CHD2: variants seen among roughly 807,000 people sequenced by gnomAD.
The protein encoded by CHD2 is ATP-dependent chromatin remodeler CHD2.
A neutral mutation model predicts 243.9 loss-of-function variants in CHD2; 28 were observed. That is an observed-to-expected ratio of 0.11 (90% CI 0.09 to 0.16). The LOEUF (loss-of-function observed/expected upper bound fraction) is 0.16. Among genes scored for constraint, CHD2 ranks in the 10% least tolerant of loss-of-function variants. The probability of loss-of-function intolerance (pLI) is 1.00; values close to 1 mark genes in which losing one functional copy is unlikely to be tolerated. For missense variants in CHD2, 1,386 were observed against 2,209.8 expected, an observed-to-expected ratio of 0.63 and a Z score of 7.47; for synonymous variants, 775 against 779.0, an observed-to-expected ratio of 0.99 and a Z score of 0.09.
intron 24 of CHD2, among the ~76,000 whole-genome samples, chr15:92,983,569 G>A (rs1013523636): frequency 6.6e-6 from 1 of 152,158 alleles, no homozygotes; most frequent in Admixed American, 6.5e-5. Flanking sequence ...CAGGCTGGGG[G>A]CTGCCTGCCA....
intron 16 of CHD2, among the ~76,000 whole-genome samples, chr15:92,959,458 C>G (rs994957463): frequency 1.3e-5 from 2 of 152,180 alleles, no homozygotes; most frequent in South Asian, 2.1e-4. Context: ...CAATGTCACA[C>G]TGTCTTGATT....
At chr15:92,948,201 G>T (rs551432323) in intron 12 of CHD2, among the ~76,000 whole-genome samples, 2 of 152,040 alleles carry the variant, frequency 1.3e-5, no homozygotes, top group African/African-American at 4.8e-5. Context: ...CCAAATTCAC[G>T]CAATTAAAGG....
chr15:93,021,511 T>C (rs543246425), intron 38 of CHD2: 1 of 152,216 alleles, frequency 6.6e-6, no homozygotes, highest in Admixed American at 6.5e-5. Flanking sequence ...TTAGCTTGCT[T>C]GAAGTTGTCT....
intron 20 of CHD2, 21 bp from the exon 21 acceptor site, chr15:92,978,213 A>G: frequency 6.2e-7 from 1 of 1,613,848 alleles, no homozygotes; most frequent in Non-Finnish European, 8.5e-7. Context: ...TGCATAAAGT[A>G]GTATATTGCA....
At chr15:92,901,026 G>A in intron 1 of CHD2, 141 bp from the exon 2 acceptor site, 1 of 570,664 alleles carries the variant, frequency 1.8e-6, no homozygotes, top group South Asian at 2.6e-5. Context: ...TTCTTTTAAG[G>A]AAAAAATAGA....
chr15:92,991,484 A>G lies in CHD2; in HGVS notation c.3422A>G (p.Lys1141Arg), dbSNP rs1471418780. Residue 1141 changes from lysine (K) to arginine (R), a missense_variant, in exon 27 of 39, where the codon AAG (lysine) becomes AGG (arginine). Lys to Arg is a conservative substitution (Grantham distance 26). This residue lies in a region of CHD2 where 13 missense variants were observed against 57.6 expected (regional missense o/e 0.23). Transcript: ENST00000394196. The stretch of plus-strand genomic sequence containing the variant: ...ATTGATCCTATTCTTAGGTTCATCA[A>G]GGCTTATAAGAAGTTTGGTCTCCCT... Reference protein sequence around the residue: ...FTDAEIRRFIKAYKKFGLPLE... With the variant: ...FTDAEIRRFIRAYKKFGLPLE... The G allele has an allele frequency of 1.2e-6, 2 of 1,606,774 alleles. No individual in the cohort carries two copies. Among genetic ancestry groups the G allele is most frequent in the Non-Finnish European group, 8.5e-7 (1 of 1,175,340 alleles).
At chr15:92,911,517 C>G (rs1355082177) in intron 2 of CHD2, among the ~76,000 whole-genome samples, 2 of 152,106 alleles carry the variant, frequency 1.3e-5, no homozygotes, top group Admixed American at 6.6e-5. Context: ...GCTGGCAGAT[C>G]ACTTGAGGCC....
At chr15:92,974,977 G>A (rs766246128) in intron 20 of CHD2, 27 bp downstream of exon 20, 1 of 1,589,462 alleles carries the variant, frequency 6.3e-7, no homozygotes, top group South Asian at 1.1e-5. Context: ...TTTGTTATTT[G>A]AGCAACTTGG....
chr15:92,934,717 T>C (rs750636349), intron 5 of CHD2, among the ~76,000 whole-genome samples: 13 of 152,226 alleles, frequency 8.5e-5, no homozygotes, highest in African/African-American at 1.2e-4. Context: ...AGTGACTTAG[T>C]ATTGCTGGTC....
intron 16 of CHD2, among the ~76,000 whole-genome samples, chr15:92,966,544 C>G (rs2081762354): frequency 6.6e-6 from 1 of 152,148 alleles, no homozygotes; most frequent in Admixed American, 6.5e-5. Flanking sequence ...ATCATATAAT[C>G]TGCTTCCCTG....
Position 92,941,831 on chromosome 15 carries a change from A to T in CHD2, c.702A>T (p.Glu234Asp). ...ATTATTCCTCTTGCAGTTACAAAGA[A>T]GATGATGACTTTGAGACTGACTCAG... ...RRAAKNVSYK[E>D]DDDFETDSDD... Residue 234 changes from glutamate to aspartate, a missense_variant, in exon 8 of 39, where the codon GAA (glutamate) becomes GAT (aspartate). Glu to Asp is a conservative substitution (Grantham distance 45). Around this residue, in one of 19 missense-constraint regions of CHD2, gnomAD observed 200 missense variants for 292.5 expected, o/e 0.68. Transcript: ENST00000394196. 1 of 1,613,196 alleles carries T rather than the reference A, an allele frequency of 6.2e-7. No individual in the cohort carries two copies. Among genetic ancestry groups the T allele is most frequent in the Non-Finnish European group, 8.5e-7 (1 of 1,179,606 alleles).
rs1005979202 is a variant in CHD2, at chr15:93,020,473, T to G, written c.5153+215T>G. 7.9e-6 allele frequency: 5 copies of G among 636,492 alleles called. No homozygotes were observed. The Admixed American group carries it at 1.5e-4, about 19-fold the overall frequency. The allele number at this position is 636,492 out of a possible 1,614,324, so 39.4% of individuals were successfully genotyped here. ...CATTTCACCTGTGCAGGAAAAGAGT[T>G]TTCTGCCGTCTTTTGAGGAAATCTA... On this transcript the variant is annotated intron_variant, in intron 38 of 38. Transcript: ENST00000394196.
intron 16 of CHD2, among the ~76,000 whole-genome samples, chr15:92,965,756 C>T (rs1162270509): frequency 7.3e-6 from 1 of 136,092 alleles, no homozygotes. Flanking sequence ...GAACTAGTGT[C>T]TCATATTAAC....
At position 92,946,362 on chromosome 15, in the gene CHD2, A is replaced by G. The variant is rs1344531679; in HGVS notation, c.1377+146A>G. 5.5e-6 allele frequency: 3 copies of G among 540,852 alleles called. No individual in the cohort carries two copies. In the East Asian group the frequency reaches 9.4e-5, roughly 17 times the overall value. 33.5% of individuals were successfully genotyped at this position (540,852 alleles called of 1,614,324 possible). ...GAAGGTGATTTAAATATGACATTAAAGCAAAAGGAGAGAATGAATTATTTC... is the reference window on the plus strand; with the variant it reads ...GAAGGTGATTTAAATATGACATTAAGGCAAAAGGAGAGAATGAATTATTTC... On this transcript the variant is annotated intron_variant, in intron 12 of 38. Coordinates refer to ENST00000394196, the MANE Select transcript of CHD2 (RefSeq NM_001271.4).
chr15:92,917,308 T>C (rs536997770), intron 2 of CHD2, among the ~76,000 whole-genome samples: 67 of 152,256 alleles, frequency 4.4e-4, no homozygotes, highest in African/African-American at 1.5e-3. Flanking sequence ...CCTGTAATCC[T>C]AGCACTTTGG....
At chr15:92,916,302 AATTG>A (rs898395592) in intron 2 of CHD2, among the ~76,000 whole-genome samples, 19 of 152,282 alleles carry the variant, frequency 1.2e-4, no homozygotes, top group East Asian at 5.8e-4. Flanking sequence ...AAACTTTCTA[AATTG>A]ATTGAGCTCT....
At chr15:93,013,457 CA>C (rs1345591138) in intron 36 of CHD2, among the ~76,000 whole-genome samples, 1 of 152,140 alleles carries the variant, frequency 6.6e-6, no homozygotes, top group African/African-American at 2.4e-5. Context: ...AGCTGAATAA[CA>C]AAAACAGTGG....
chr15:92,915,671 AAT>A (rs1403238007), intron 2 of CHD2, among the ~76,000 whole-genome samples: 11 of 152,352 alleles, frequency 7.2e-5, no homozygotes, highest in Admixed American at 3.9e-4. Context: ...TGGTTATGTA[AAT>A]ATGTTTTGTG....
At chr15:93,016,648 G>C (rs893998398) in intron 37 of CHD2, among the ~76,000 whole-genome samples, 1 of 152,036 alleles carries the variant, frequency 6.6e-6, no homozygotes, top group East Asian at 1.9e-4. Flanking sequence ...TTAGCTAGGC[G>C]TAGTGGCGTA....
Sources: gnomAD v4.1 joint callset for allele counts (sites outside exome capture counted in the v4.1 genomes callset) on GRCh38, gnomAD v4.1.1 for gene constraint, gnomAD v4.1.1 regional missense constraint, MANE v1.5 for transcripts, NCBI Gene and HGNC (gene_info 2026-07-23, HGNC 2026-07-21) for gene names.